KSR2: variants seen among roughly 807,000 people sequenced by gnomAD.
The protein encoded by KSR2 is kinase suppressor of ras 2.
KSR2 carries 25 observed loss-of-function variants against 107.8 expected under a neutral mutation model. The ratio of observed to expected loss-of-function variants is 0.23; its 90% CI spans 0.17 to 0.32. The LOEUF (loss-of-function observed/expected upper bound fraction) is 0.32, where lower values mean the gene tolerates loss of function less well. KSR2 is among the 10% of genes least tolerant of loss of function. KSR2 has a pLI of 1.00. For synonymous variants in KSR2, 480 were observed against 507.0 expected (o/e 0.95, Z 0.71); for missense variants, 887 against 1,268.9 (o/e 0.70, Z 4.57).
intron 1 of KSR2, among the ~76,000 whole-genome samples, chr12:117,941,773 G>T (rs1265029629): frequency 6.9e-6 from 1 of 145,242 alleles, no homozygotes; most frequent in African/African-American, 2.5e-5. Flanking sequence ...ACTCGGGCAT[G>T]TGCCACCAGG....
intron 1 of KSR2, among the ~76,000 whole-genome samples, chr12:117,936,518 T>TAG (rs1566089508): frequency 3.5e-3 from 138 of 39,718 alleles, no homozygotes; most frequent in East Asian, 7.0e-3. Context: ...TATTTTATTA[T>TAG]TATTATTATT....
At chr12:117,783,641 G>A (rs973927972) in intron 3 of KSR2, among the ~76,000 whole-genome samples, 14 of 152,216 alleles carry the variant, frequency 9.2e-5, no homozygotes, top group Admixed American at 6.5e-4. Context: ...TAGGGCAGGG[G>A]AGTCCACATC....
chr12:117,474,446 T>A (rs867678933), intron 17 of KSR2, among the ~76,000 whole-genome samples: 3 of 152,060 alleles, frequency 2.0e-5, no homozygotes, highest in South Asian at 4.2e-4. Context: ...GAGGATGCGG[T>A]GGGGGCCCTT....
intron 1 of KSR2, among the ~76,000 whole-genome samples, chr12:117,948,322 T>A (rs1341511163): frequency 5.3e-5 from 8 of 151,920 alleles, no homozygotes; most frequent in Non-Finnish European, 1.2e-4. Context: ...ACCCCCTCTC[T>A]ACTAAAAATA....
intron 1 of KSR2, among the ~76,000 whole-genome samples, chr12:117,914,801 G>T (rs891137666): frequency 6.6e-6 from 1 of 152,214 alleles, no homozygotes; most frequent in East Asian, 1.9e-4. Flanking sequence ...CTCCCAAAGT[G>T]TTGGGATTAC....
chr12:117,485,307 G>A (rs2137142692), intron 15 of KSR2, among the ~76,000 whole-genome samples: 1 of 152,314 alleles, frequency 6.6e-6, no homozygotes, highest in South Asian at 2.1e-4. Flanking sequence ...CAAGAGGGCT[G>A]AATAGCTTGT....
chr12:117,809,387 G>T (rs900952759), intron 3 of KSR2, among the ~76,000 whole-genome samples: 4 of 152,040 alleles, frequency 2.6e-5, no homozygotes, highest in African/African-American at 9.7e-5. Flanking sequence ...CACTAGAAAG[G>T]CGAAGTAGCA....
intron 5 of KSR2, among the ~76,000 whole-genome samples, chr12:117,648,605 C>A (rs559230293): frequency 6.6e-6 from 1 of 152,350 alleles, no homozygotes; most frequent in East Asian, 1.9e-4. Context: ...CTTAACATTT[C>A]ATTTCCTACA....
intron 3 of KSR2, among the ~76,000 whole-genome samples, chr12:117,819,775 C>T (rs1414438142): frequency 6.6e-6 from 1 of 151,946 alleles, no homozygotes; most frequent in Non-Finnish European, 1.5e-5. Context: ...TGCAAATTCC[C>T]CCTGTTCACA....
At chr12:117,797,499 G>A (rs916837154) in intron 3 of KSR2, among the ~76,000 whole-genome samples, 5 of 150,132 alleles carry the variant, frequency 3.3e-5, no homozygotes, top group East Asian at 4.0e-4. Flanking sequence ...AATGAGGAGC[G>A]ACTGTTTAAT....
At chr12:117,511,699 C>T (rs917545756) in intron 14 of KSR2, among the ~76,000 whole-genome samples, 6 of 152,300 alleles carry the variant, frequency 3.9e-5, no homozygotes, top group African/African-American at 1.2e-4. Context: ...ATCCATAGTG[C>T]CATTTCACAA....
Position 117,460,852 on chromosome 12 carries a change from T to C in KSR2, c.*6347A>G, listed in dbSNP as rs767598299. 6.6e-5 allele frequency: 10 copies of C among 152,152 alleles called. No homozygotes were observed. The highest frequency in any genetic ancestry group is 2.2e-4 in the African/African-American group (9 of 41,430). The allele number at this position is 152,152 out of a possible 1,614,324, so 9.4% of individuals were successfully genotyped here. ...GACTACTGATCTCCCCAAACCATCA[T>C]AGGAATTCCAGCCTGGCACGTAGTA... is the stretch of plus-strand genomic sequence containing the variant. On this transcript the variant is annotated 3_prime_UTR_variant, in exon 20 of 20. Transcript: ENST00000339824.
At chr12:117,798,652 A>G (rs1391597753) in intron 3 of KSR2, among the ~76,000 whole-genome samples, 1 of 151,626 alleles carries the variant, frequency 6.6e-6, no homozygotes, top group Non-Finnish European at 1.5e-5. Context: ...ACGAAACAAA[A>G]CAAAAAGTTA....
chr12:117,808,553 A>T (rs1294716933), intron 3 of KSR2, among the ~76,000 whole-genome samples: 1 of 152,330 alleles, frequency 6.6e-6, no homozygotes, highest in African/African-American at 2.4e-5. Flanking sequence ...GGTTTAGCCC[A>T]GGGCCTGGTC....
intron 5 of KSR2, among the ~76,000 whole-genome samples, chr12:117,664,051 A>T (rs1884548720): frequency 6.6e-6 from 1 of 152,224 alleles, no homozygotes; most frequent in East Asian, 1.9e-4. Context: ...GACGTCTTTC[A>T]TTCTAGCCCT....
At chr12:117,581,773 C>G (rs139423279) in intron 6 of KSR2, among the ~76,000 whole-genome samples, 1 of 152,208 alleles carries the variant, frequency 6.6e-6, no homozygotes, top group Non-Finnish European at 1.5e-5. Flanking sequence ...CTGGACTGAA[C>G]GCCGCACCAG....
chr12:117,458,825 G>C lies in KSR2; in HGVS notation c.*8374C>G, dbSNP rs1284913654. On this transcript the variant is annotated 3_prime_UTR_variant, in exon 20 of 20. Transcript: ENST00000339824. ...AACTTGATTTTGAGCCTTCCATTCA[G>C]GGAAGAAACCAAAGAGCAATTGGAG... The C allele has an allele frequency of 6.6e-6, 1 of 152,164 alleles. No homozygotes were observed. Among genetic ancestry groups the C allele is most frequent in the African/African-American group, 2.4e-5 (1 of 41,436 alleles). 9.4% of individuals were successfully genotyped at this position (152,164 alleles called of 1,614,324 possible).
intron 14 of KSR2, among the ~76,000 whole-genome samples, chr12:117,504,119 C>T (rs1002056627): frequency 2.6e-5 from 4 of 152,130 alleles, no homozygotes; most frequent in African/African-American, 7.2e-5. Context: ...GAAAGCAAGC[C>T]ACTCTAGGGC....
intron 3 of KSR2, among the ~76,000 whole-genome samples, chr12:117,823,143 G>C (rs1389635245): frequency 6.6e-6 from 1 of 152,070 alleles, no homozygotes; most frequent in Admixed American, 6.5e-5. Context: ...GTGGCTGGAG[G>C]GTGTGGAGTA....
Sources: allele counts gnomAD v4.1 joint callset (sites outside exome capture counted in the v4.1 genomes callset), GRCh38; gene constraint gnomAD v4.1.1; transcripts MANE v1.5; gene names NCBI Gene and HGNC (gene_info 2026-07-23, HGNC 2026-07-21).